The following EPHA6 variants were observed in gnomAD, a reference collection of about 807,000 sequenced individuals.
The protein encoded by EPHA6 is ephrin type-A receptor 6.
In EPHA6, 50 loss-of-function variants were observed where a neutral mutation model predicts 112.0. The ratio of observed to expected loss-of-function variants is 0.45; its 90% confidence interval spans 0.36 to 0.56. EPHA6 has a LOEUF of 0.56. EPHA6 is among the 20% of genes least tolerant of loss of function. EPHA6 has a pLI of 0.00. For synonymous variants in EPHA6, 529 were observed against 490.7 expected (o/e 1.08, Z -1.03); for missense variants, 1,280 against 1,417.4 (o/e 0.90, Z 1.56).
chr3:96,964,386 C>T (rs1352943925), intron 2 of EPHA6, among the ~76,000 whole-genome samples: 1 of 152,142 alleles, frequency 6.6e-6, no homozygotes, highest in Non-Finnish European at 1.5e-5. Flanking sequence ...TACTCACATT[C>T]TTCTTTGTTC....
chr3:97,067,759 T>G (rs2046224213), intron 3 of EPHA6, among the ~76,000 whole-genome samples: 1 of 151,872 alleles, frequency 6.6e-6, no homozygotes, highest in Non-Finnish European at 1.5e-5. Flanking sequence ...GACAACCATT[T>G]CTATAGTAAG....
rs199751412 is a variant in EPHA6, at chr3:97,441,594, GA to G, written c.1732-6966del. On this transcript the variant is annotated intron_variant, in intron 6 of 17. Transcript: ENST00000389672. ...ATATTATGCTAAAGCATTGCAATAAGAAAAAAAATACATAAGAAATTGTTTT... is the reference window on the plus strand; with the variant it reads ...ATATTATGCTAAAGCATTGCAATAAGAAAAAAATACATAAGAAATTGTTTT... 7.5e-3 allele frequency: 1,516 copies of G among 202,912 alleles called. 17 individuals are homozygous for G. Among genetic ancestry groups the G allele is most frequent in the African/African-American group, 0.031 (1,291 of 42,298 alleles). The allele number at this position is 202,912 out of a possible 1,614,324, so 12.6% of individuals were successfully genotyped here.
chr3:97,169,841 A>T (rs2076644059), intron 3 of EPHA6, among the ~76,000 whole-genome samples: 1 of 152,138 alleles, frequency 6.6e-6, no homozygotes, highest in African/African-American at 2.4e-5. Context: ...AGTAGATTTC[A>T]TATGCAATGC....
intron 14 of EPHA6, among the ~76,000 whole-genome samples, chr3:97,640,566 C>A (rs983767101): frequency 1.3e-5 from 2 of 151,460 alleles, no homozygotes; most frequent in Admixed American, 6.6e-5. Flanking sequence ...AGGTCGGAAG[C>A]TAGAGACCAG....
At chr3:97,085,948 T>TATATATATATATATATATATAC (rs984404779) in intron 3 of EPHA6, among the ~76,000 whole-genome samples, 9 of 145,166 alleles carry the variant, frequency 6.2e-5, no homozygotes, top group African/African-American at 1.9e-4. Context: ...TATATATATA[T>TATATATATATATATATATATAC]ACACACTGAG....
intron 3 of EPHA6, among the ~76,000 whole-genome samples, chr3:97,007,893 T>C (rs921062446): frequency 1.3e-5 from 2 of 152,218 alleles, no homozygotes; most frequent in African/African-American, 2.4e-5. Context: ...AAATTCCTCG[T>C]TGAAAATTCT....
At chr3:96,932,669 G>A (rs1223761165) in intron 2 of EPHA6, among the ~76,000 whole-genome samples, 1 of 152,162 alleles carries the variant, frequency 6.6e-6, no homozygotes, top group Non-Finnish European at 1.5e-5. Context: ...TTAGTAGGAA[G>A]GAAAGCAGGT....
At chr3:97,322,274 C>G (rs1336646075) in intron 5 of EPHA6, among the ~76,000 whole-genome samples, 5 of 151,800 alleles carry the variant, frequency 3.3e-5, no homozygotes, top group Non-Finnish European at 5.9e-5. Flanking sequence ...AATTTTGTAC[C>G]ACTAGCTAAA....
At chr3:96,917,035 C>G (rs1030771865) in intron 2 of EPHA6, among the ~76,000 whole-genome samples, 1 of 152,098 alleles carries the variant, frequency 6.6e-6, no homozygotes, top group African/African-American at 2.4e-5. Flanking sequence ...TCCTACAGAT[C>G]TCCATTAATT....
At chr3:96,989,578 TG>T (rs1293777147) in intron 3 of EPHA6, among the ~76,000 whole-genome samples, 4 of 152,180 alleles carry the variant, frequency 2.6e-5, no homozygotes, top group Admixed American at 2.6e-4. Context: ...TTCCTGAGAC[TG>T]GGTAATTTAT....
chr3:97,319,309 A>G (rs892506242), intron 5 of EPHA6, among the ~76,000 whole-genome samples: 9 of 151,584 alleles, frequency 5.9e-5, no homozygotes, highest in African/African-American at 1.7e-4. Flanking sequence ...TTCAGCATTG[A>G]CATGGCATTG....
intron 11 of EPHA6, among the ~76,000 whole-genome samples, chr3:97,586,069 T>A (rs2093484755): frequency 6.6e-6 from 1 of 152,216 alleles, no homozygotes; most frequent in Admixed American, 6.5e-5. Flanking sequence ...AGTACTTCCT[T>A]AGATCCTAGC....
intron 3 of EPHA6, among the ~76,000 whole-genome samples, chr3:96,994,849 T>TA: frequency 6.7e-6 from 1 of 150,168 alleles, no homozygotes; most frequent in Non-Finnish European, 1.5e-5. Flanking sequence ...CCTACAGGCT[T>TA]AAAGAAGGTA....
Position 97,754,541 on chromosome 3 carries a change from A to G in EPHA6, c.*5840A>G, listed in dbSNP as rs2035978017. Among the ~76,000 whole-genome samples, 1 of 152,248 alleles carries G rather than the reference A, an allele frequency of 6.6e-6. No homozygotes were observed. Among genetic ancestry groups the G allele is most frequent in the Non-Finnish European group, 1.5e-5 (1 of 68,042 alleles). On this transcript the variant is annotated 3_prime_UTR_variant, in exon 18 of 18. Transcript: ENST00000389672. ...ATCCAAAATTACATTTTAAAATGAA[A>G]AAAAGAGAAAACTTTTCAATTACTA...
intron 2 of EPHA6, among the ~76,000 whole-genome samples, chr3:96,947,869 G>A (rs2107710411): frequency 6.6e-6 from 1 of 152,192 alleles, no homozygotes; most frequent in East Asian, 1.9e-4. Flanking sequence ...AGCTACCAAT[G>A]ACTTTCTTCA....
rs147438506 is a variant in EPHA6, at chr3:97,662,196, T to G, written c.2784+24114T>G. Among the ~76,000 whole-genome samples the G allele has an allele frequency of 2.2e-3, 330 of 152,292 alleles. 3 individuals are homozygous for G. The highest frequency in any genetic ancestry group is 7.8e-3 in the African/African-American group (323 of 41,540). On this transcript the variant is annotated intron_variant, in intron 14 of 17. Coordinates refer to ENST00000389672, the MANE Select transcript of EPHA6 (RefSeq NM_001080448.3). ...GAATAAATACTAAGCCTCCTTTGCT[T>G]TAGGCTTAGGTAATCAGCCTGTCCC... is the stretch of plus-strand genomic sequence containing the variant.
chr3:97,094,164 A>G (rs562218800), intron 3 of EPHA6, among the ~76,000 whole-genome samples: 1 of 152,228 alleles, frequency 6.6e-6, no homozygotes, highest in Admixed American at 6.5e-5. Flanking sequence ...GTTCTGAAAT[A>G]TATAGTTACT....
At chr3:96,990,739 A>T (rs1336848852) in intron 3 of EPHA6, among the ~76,000 whole-genome samples, 1 of 152,076 alleles carries the variant, frequency 6.6e-6, no homozygotes, top group Admixed American at 6.6e-5. Flanking sequence ...TGTGTTCTTG[A>T]TGTTGTGTGT....
intron 16 of EPHA6, among the ~76,000 whole-genome samples, chr3:97,743,736 C>T (rs985370058): frequency 1.3e-5 from 2 of 152,016 alleles, no homozygotes; most frequent in African/African-American, 4.8e-5. Context: ...AGCCTTTAAG[C>T]ATTATGAGGG....
Sources: allele counts gnomAD v4.1 joint callset (sites outside exome capture counted in the v4.1 genomes callset), GRCh38; gene constraint gnomAD v4.1.1; transcripts MANE v1.5; gene names NCBI Gene and HGNC (gene_info 2026-07-23, HGNC 2026-07-21).